The following GLMN variants were observed in gnomAD, a reference collection of about 807,000 sequenced individuals.
The protein encoded by GLMN is glomulin, FKBP associated protein, also known as glomulin.
In GLMN, 75 loss-of-function variants were observed where a neutral mutation model predicts 87.8. The observed-to-expected ratio is 0.85, with a 90% CI of 0.71 to 1.04. The LOEUF (loss-of-function observed/expected upper bound fraction) is 1.04. Among genes scored for constraint, GLMN ranks in the 50% least tolerant of loss-of-function variants. The probability of loss-of-function intolerance (pLI) is 0.00; values close to 1 mark genes in which losing one functional copy is unlikely to be tolerated. For missense variants in GLMN, 588 were observed against 658.8 expected, an observed-to-expected ratio of 0.89 and a Z score of 1.18; for synonymous variants, 206 against 221.6, an observed-to-expected ratio of 0.93 and a Z score of 0.63.
At chr1:92,333,176 A>G in the GLMN span, 25 of 490,152 alleles carry the variant, frequency 5.1e-5, no homozygotes, top group South Asian at 9.7e-4. Flanking sequence ...AAGATGAGAA[A>G]ACTGACTCTC....
At chr1:92,259,797 T>G (rs535020840) in intron 16 of GLMN, among the ~76,000 whole-genome samples, 10 of 142,012 alleles carry the variant, frequency 7.0e-5, no homozygotes, top group Non-Finnish European at 1.4e-4. Context: ...TGCAGTGGCA[T>G]GATCTCGGCT....
intron 16 of GLMN, among the ~76,000 whole-genome samples, chr1:92,252,010 CTGGT>C (rs1653580474): frequency 6.6e-6 from 1 of 151,696 alleles, no homozygotes; most frequent in Admixed American, 6.6e-5. Context: ...GTTGGACTGG[CTGGT>C]CTCTAACTCC....
chr1:92,318,973 G>C, the GLMN span, among the ~76,000 whole-genome samples: 3 of 152,120 alleles, frequency 2.0e-5, no homozygotes, highest in African/African-American at 7.2e-5. Flanking sequence ...AGTAGGGGCT[G>C]TATGATCAAA....
Position 92,298,963 on chromosome 1 carries a change from C to T in GLMN, c.-69G>A. 1 of 507,912 alleles carries T rather than the reference C, an allele frequency of 2.0e-6. No individual in the cohort carries two copies. 31.5% of individuals were successfully genotyped at this position (507,912 alleles called of 1,614,324 possible). A position where few individuals can be genotyped will look rare whatever the true frequency, so the allele number is the denominator to read the frequency against. On this transcript the variant is annotated 5_prime_UTR_variant, in exon 1 of 19. Coordinates refer to ENST00000370360, the MANE Select transcript of GLMN (RefSeq NM_053274.3). The stretch of plus-strand genomic sequence containing the variant: ...CGCCTCTCCCAGCCGCCGCCACCTC[C>T]TCCGGCGTCTTAGCCCGCTCTTCTG...
At chr1:92,351,979 TG>T in the GLMN span, among the ~76,000 whole-genome samples, 1 of 152,262 alleles carries the variant, frequency 6.6e-6, no homozygotes, top group South Asian at 2.1e-4. Context: ...GTGAATTATT[TG>T]GTTATCCAAT....
chr1:92,313,696 A>G, the GLMN span, among the ~76,000 whole-genome samples: 1 of 152,288 alleles, frequency 6.6e-6, no homozygotes, highest in Admixed American at 6.5e-5. Context: ...TTGATGCCAC[A>G]TATTTACTTC....
At position 92,247,097 on chromosome 1, in the gene GLMN, C is replaced by T; in HGVS notation, c.1633G>A (p.Glu545Lys). 1 of 1,581,038 alleles carries T rather than the reference C, an allele frequency of 6.3e-7. No individual in the cohort carries two copies. Among genetic ancestry groups the T allele is most frequent in the East Asian group, 2.2e-5 (1 of 44,738 alleles). The change falls in exon 18 of 19, where the codon GAG becomes AAG. Residue 545 changes from glutamate (E) to lysine (K), a missense_variant. By Grantham distance (56) the Glu-to-Lys change is moderately conservative. Transcript: ENST00000370360. ...DLCSITVSGE[E>K]IPNMPPEMQL... is the part of the protein sequence containing the mutation. ...ATTTCAGGAGGCATATTAGGGATCT[C>T]TTCTCCACTTACAGTTATAGAACAA...
the GLMN span, among the ~76,000 whole-genome samples, chr1:92,346,801 C>A: frequency 1.3e-5 from 2 of 152,072 alleles, no homozygotes; most frequent in Admixed American, 1.3e-4. Context: ...TAAAACTATT[C>A]AATAAGTGTA....
At chr1:92,367,295 C>A in the GLMN span, among the ~76,000 whole-genome samples, 2 of 152,194 alleles carry the variant, frequency 1.3e-5, no homozygotes, top group African/African-American at 4.8e-5. Context: ...CTTTTAGATT[C>A]TTTACTTACC....
At chr1:92,321,200 A>G in the GLMN span, among the ~76,000 whole-genome samples, 1 of 152,214 alleles carries the variant, frequency 6.6e-6, no homozygotes, top group African/African-American at 2.4e-5. Context: ...AATAAGAGAT[A>G]TTTATTTATT....
chr1:92,314,304 G>C, the GLMN span, among the ~76,000 whole-genome samples: 1 of 150,714 alleles, frequency 6.6e-6, no homozygotes, highest in African/African-American at 2.4e-5. Flanking sequence ...GCCATTGTAA[G>C]GGTTTTTTTG....
At chr1:92,313,282 A>G in the GLMN span, among the ~76,000 whole-genome samples, 5 of 152,204 alleles carry the variant, frequency 3.3e-5, no homozygotes, top group Admixed American at 1.3e-4. Context: ...TAGGAAATGT[A>G]TGTCTTAAGA....
chr1:92,296,305 A>G (rs1650041214), intron 3 of GLMN, among the ~76,000 whole-genome samples: 1 of 152,190 alleles, frequency 6.6e-6, no homozygotes, highest in Non-Finnish European at 1.5e-5. Context: ...ATGAAAAAAT[A>G]CCCAAGCCTG....
chr1:92,253,949 T>C (rs1653880684), intron 16 of GLMN, among the ~76,000 whole-genome samples: 1 of 152,054 alleles, frequency 6.6e-6, no homozygotes, highest in Non-Finnish European at 1.5e-5. Context: ...GCTTCAGAAG[T>C]TGAGTAATAA....
At chr1:92,261,636 C>A (rs1655055317) in intron 16 of GLMN, among the ~76,000 whole-genome samples, 1 of 152,046 alleles carries the variant, frequency 6.6e-6, no homozygotes, top group South Asian at 2.1e-4. Flanking sequence ...TAATATAGAT[C>A]TATGTATTAG....
chr1:92,299,260 C>T (rs1452118133), upstream of GLMN: 1 of 550,184 alleles, frequency 1.8e-6, no homozygotes. Flanking sequence ...GAGGGGTTCT[C>T]CCAGGTAGAG....
chr1:92,257,544 C>CAGAT (rs1654426567), intron 16 of GLMN, among the ~76,000 whole-genome samples: 1 of 152,134 alleles, frequency 6.6e-6, no homozygotes, highest in Non-Finnish European at 1.5e-5. Flanking sequence ...GGTACCAAAA[C>CAGAT]AGATACATAG....
At chr1:92,322,197 T>C in the GLMN span, among the ~76,000 whole-genome samples, 2,011 of 151,268 alleles carry the variant, frequency 0.013, 22 homozygotes, top group Non-Finnish European at 0.021. Flanking sequence ...CCACCTGCCT[T>C]GGCCTCCCAA....
chr1:92,335,314 C>T, the GLMN span, among the ~76,000 whole-genome samples: 152,056 of 152,336 alleles, frequency 1, 75,891 homozygotes, highest in Non-Finnish European at 1. Flanking sequence ...AATAGATATA[C>T]GGGATTATTA....
Sources: allele counts gnomAD v4.1 joint callset (sites outside exome capture counted in the v4.1 genomes callset), GRCh38; gene constraint gnomAD v4.1.1; transcripts MANE v1.5; gene names NCBI Gene and HGNC (gene_info 2026-07-23, HGNC 2026-07-21).